The following PTGS1 variants were observed in gnomAD, a reference collection of about 807,000 sequenced individuals.
The protein encoded by PTGS1 is prostaglandin-endoperoxide synthase 1, also known as prostaglandin G/H synthase 1.
Under a neutral mutation model 63.0 loss-of-function variants are expected in PTGS1, and 40 were observed. That is an observed-to-expected ratio of 0.63 (90% CI 0.49 to 0.83). The LOEUF is 0.83. Ranked by LOEUF, PTGS1 falls within the 40% of genes least tolerant of loss-of-function variation. The pLI, the probability that PTGS1 is intolerant of heterozygous loss-of-function variation, is 0.00. For missense variants in PTGS1, 709 were observed against 786.5 expected, an observed-to-expected ratio of 0.90 and a Z score of 1.18; for synonymous variants, 298 against 301.9, an observed-to-expected ratio of 0.99 and a Z score of 0.13.
rs78041072 is a variant in PTGS1 at position 122,371,917 on chromosome 9, C to T, written c.94+645C>T. 8,065 of 1,044,894 alleles carry T rather than the reference C, an allele frequency of 7.7e-3. 415 individuals carry two copies. The African/African-American group carries it at 0.11, about 14-fold the overall frequency. 64.7% of individuals were successfully genotyped at this position (1,044,894 alleles called of 1,614,324 possible). A position where few individuals can be genotyped will look rare whatever the true frequency, so the allele number is the denominator to read the frequency against. ...CAGGTCTGTCTGCGTCCACACACTT[C>T]GCAAGGTCTTTCCACAGAAAGCTGC... On this transcript the variant is annotated intron_variant, in intron 2 of 10. Transcript: ENST00000362012.
intron 5 of PTGS1, 131 bp downstream of exon 5, chr9:122,379,049 A>G (rs886382204): frequency 3.1e-6 from 4 of 1,284,256 alleles, no homozygotes; most frequent in African/African-American, 3.0e-5. Flanking sequence ...GACATATGAC[A>G]TGTCCAGAGC....
intron 2 of PTGS1, chr9:122,371,591 A>G: frequency 7.0e-7 from 1 of 1,430,154 alleles, no homozygotes; most frequent in Non-Finnish European, 9.1e-7. Context: ...TCTGCACCCA[A>G]CAACCCCGCT....
At chr9:122,384,783 C>G (rs552988204) in intron 8 of PTGS1, among the ~76,000 whole-genome samples, 2 of 152,254 alleles carry the variant, frequency 1.3e-5, no homozygotes, top group South Asian at 2.1e-4. Flanking sequence ...AAACCTGAGT[C>G]TGATCTGTGA....
rs985418713 is a variant in PTGS1, at chr9:122,383,674, C to CGT, written c.936_937dup (p.Asp313ValfsTer4). 5 of 1,614,048 alleles carry CGT rather than the reference C, an allele frequency of 3.1e-6. No homozygotes were observed. The highest frequency in any genetic ancestry group is 4.2e-6 in the Non-Finnish European group (5 of 1,179,956). On this transcript the variant is annotated frameshift_variant, in exon 8 of 11. Coordinates refer to ENST00000362012, the MANE Select transcript of PTGS1 (RefSeq NM_000962.4). LOFTEE classifies it high-confidence loss of function. ...CACGCTCTGGCTACGTGAGCACAAC[C>CGT]GTGTGTGTGACCTGCTGAAGGCTGA...
Position 122,388,292 on chromosome 9 carries a change from C to T in PTGS1, c.1296+1560C>T, listed in dbSNP as rs558944264. The stretch of plus-strand genomic sequence containing the variant: ...AACTCCTGGGCTCAAGCGATCTGCC[C>T]GCCTAGGCCTCTCAAGGTGCTGGGA... On this transcript the variant is annotated intron_variant, in intron 9 of 10. Coordinates refer to ENST00000362012, the MANE Select transcript of PTGS1 (RefSeq NM_000962.4). 2.6e-3 allele frequency among the ~76,000 whole-genome samples: 399 copies of T among 152,142 alleles called. 3 individuals are homozygous for T. Among genetic ancestry groups the T allele is most frequent in the Non-Finnish European group, 3.9e-3 (268 of 67,996 alleles).
intron 8 of PTGS1, among the ~76,000 whole-genome samples, chr9:122,386,130 TAA>T (rs72444571): frequency 5.9e-4 from 82 of 138,870 alleles, no homozygotes; most frequent in African/African-American, 8.1e-4. Flanking sequence ...CCCCATCTCT[TAA>T]AAAAAAAAAA....
At chr9:122,379,025 C>T in intron 5 of PTGS1, 107 bp downstream of exon 5, 2 of 1,437,490 alleles carry the variant, frequency 1.4e-6, no homozygotes, top group Non-Finnish European at 9.4e-7. Flanking sequence ...CTGCAGATGG[C>T]TAGACCAAGG....
chr9:122,375,245 G>C, intron 2 of PTGS1: 1 of 974,088 alleles, frequency 1.0e-6, no homozygotes, highest in Non-Finnish European at 1.2e-6. Context: ...GCCGGACTGG[G>C]AGGGAGGAGC....
chr9:122,380,995 T>C (rs1837477401), intron 5 of PTGS1, among the ~76,000 whole-genome samples: 1 of 152,208 alleles, frequency 6.6e-6, no homozygotes, highest in African/African-American at 2.4e-5. Context: ...AAATGTTTCA[T>C]TATGGAAAAA....
chr9:122,371,260 G>A lies in PTGS1; in HGVS notation c.82G>A (p.Ala28Thr). 2 of 1,605,632 alleles carry A rather than the reference G, an allele frequency of 1.2e-6. No homozygotes were observed. The highest frequency in any genetic ancestry group is 1.7e-6 in the Non-Finnish European group (2 of 1,179,910). The change falls in exon 2 of 11, where the codon GCG (alanine) becomes ACG (threonine). Residue 28 changes from alanine to threonine, a missense_variant. Ala to Thr is a moderately conservative substitution (Grantham distance 58). Coordinates refer to ENST00000362012, the MANE Select transcript of PTGS1 (RefSeq NM_000962.4). ...PLPVLLADPG[A>T]PTPVNPCCYY... ...CCCCGTCCTGCTCGCGGACCCAGGG[G>A]CGCCCACGCCAGGTAGGCGGCCCCA...
chr9:122,380,690 G>A (rs1441551250), intron 5 of PTGS1, among the ~76,000 whole-genome samples: 5 of 152,134 alleles, frequency 3.3e-5, no homozygotes, highest in African/African-American at 9.7e-5. Context: ...AGCCTAAAAT[G>A]TTTACTATCT....
rs201247583 is a variant in PTGS1 at position 122,381,701 on chromosome 9, G to A, written c.716G>A (p.Arg239His). 9.9e-6 allele frequency: 16 copies of A among 1,614,062 alleles called. No individual in the cohort carries two copies. Among genetic ancestry groups the A allele is most frequent in the African/African-American group, 5.3e-5 (4 of 74,938 alleles). The part of the protein sequence containing the change: ...LGHIYGDNLE[R>H]QYQLRLFKDG... ...CACATTTATGGAGACAATCTGGAGC[G>A]TCAGTATCAACTGCGGCTCTTTAAG... Residue 239 changes from arginine to histidine, a missense_variant, in exon 7 of 11, where the codon CGT becomes CAT. Coordinates refer to ENST00000362012, the MANE Select transcript of PTGS1 (RefSeq NM_000962.4).
rs952793489 is a variant in PTGS1, at chr9:122,394,952, A to G, written c.*2408A>G. 6.6e-6 allele frequency: 1 copy of G among 152,208 alleles called. No individual in the cohort carries two copies. Among genetic ancestry groups the G allele is most frequent in the Non-Finnish European group, 1.5e-5 (1 of 68,062 alleles). The allele number at this position is 152,208 out of a possible 1,614,324, so 9.4% of individuals were successfully genotyped here. A position where few individuals can be genotyped will look rare whatever the true frequency, so the allele number is the denominator to read the frequency against. On this transcript the variant is annotated 3_prime_UTR_variant, in exon 11 of 11. Coordinates refer to ENST00000362012, the MANE Select transcript of PTGS1 (RefSeq NM_000962.4). ...TATGGCTGCTGGGCTGAGTGACACA[A>G]GCACTTTAATGGCCTGGAGGGACTT...
chr9:122,382,735 C>T (rs1242600522), intron 7 of PTGS1, among the ~76,000 whole-genome samples: 1 of 152,198 alleles, frequency 6.6e-6, no homozygotes. Context: ...AAGAACAGTA[C>T]TTGGCATGTA....
At chr9:122,379,542 C>G (rs1431671855) in intron 5 of PTGS1, among the ~76,000 whole-genome samples, 1 of 152,224 alleles carries the variant, frequency 6.6e-6, no homozygotes, top group African/African-American at 2.4e-5. Flanking sequence ...GAATGCCAGT[C>G]CTGTGCAGCC....
chr9:122,378,794 C>A lies in PTGS1; in HGVS notation c.372C>A (p.Pro124=), dbSNP rs749706336. 1.7e-5 allele frequency: 27 copies of A among 1,614,142 alleles called. No individual in the cohort carries two copies. Among genetic ancestry groups the A allele is most frequent in the Non-Finnish European group, 2.2e-5 (26 of 1,180,058 alleles). Residue 124 remains proline, a synonymous_variant, in exon 5 of 11, where the codon CCC becomes CCA. Coordinates refer to ENST00000362012, the MANE Select transcript of PTGS1 (RefSeq NM_000962.4). ...LVLTVRSNLI[P]SPPTYNSAHD... ...CTGCAGTGCGCTCCAACCTTATCCCCAGTCCCCCCACCTACAACTCAGCAC... is the reference window on the plus strand; with the variant it reads ...CTGCAGTGCGCTCCAACCTTATCCCAAGTCCCCCCACCTACAACTCAGCAC...
In PTGS1 at chr9:122,381,744, C is replaced by T. The variant is rs1837537993; in HGVS notation, c.759C>T (p.Tyr253=). The change falls in exon 7 of 11, where the codon TAC becomes TAT. Residue 253 remains tyrosine, a synonymous_variant. Coordinates refer to ENST00000362012, the MANE Select transcript of PTGS1 (RefSeq NM_000962.4). Reference sequence around the variant, plus strand: ...TCTTTAAGGATGGGAAACTCAAGTACCAGGTAGTGCTGGGCCAGGGGGTAG... The same window carrying T: ...TCTTTAAGGATGGGAAACTCAAGTATCAGGTAGTGCTGGGCCAGGGGGTAG... ...LRLFKDGKLK[Y]QVLDGEMYPP... The T allele has an allele frequency of 6.2e-7, 1 of 1,604,844 alleles. No homozygotes were observed. The highest frequency in any genetic ancestry group is 8.5e-7 in the Non-Finnish European group (1 of 1,178,926).
In PTGS1 at chr9:122,390,317, A is replaced by G; in HGVS notation, c.1416A>G (p.Lys472=). 6.2e-7 allele frequency: 1 copy of G among 1,613,958 alleles called. No individual in the cohort carries two copies. Among genetic ancestry groups the G allele is most frequent in the Non-Finnish European group, 8.5e-7 (1 of 1,179,946 alleles). The part of the protein sequence containing the change: ...FNEYRKRFGM[K]PYTSFQELVG... Reference sequence around the variant, plus strand: ...AGTACCGCAAGAGGTTTGGCATGAAACCCTACACCTCCTTCCAGGAGCTCG... The same window carrying G: ...AGTACCGCAAGAGGTTTGGCATGAAGCCCTACACCTCCTTCCAGGAGCTCG... The change falls in exon 10 of 11, where the codon AAA becomes AAG. Residue 472 remains lysine (K), a synonymous_variant. Coordinates refer to ENST00000362012, the MANE Select transcript of PTGS1 (RefSeq NM_000962.4).
chr9:122,370,930 A>G, upstream of PTGS1: 4 of 1,247,564 alleles, frequency 3.2e-6, no homozygotes, highest in East Asian at 2.6e-5. Flanking sequence ...GGCTGGGCAG[A>G]GGAAGTAAGC....
Sources: gnomAD v4.1 joint callset for allele counts (sites outside exome capture counted in the v4.1 genomes callset) on GRCh38, gnomAD v4.1.1 for gene constraint, MANE v1.5 for transcripts, NCBI Gene and HGNC (gene_info 2026-07-23, HGNC 2026-07-21) for gene names.